The following MTUS1 variants were observed in gnomAD, a reference collection of about 807,000 sequenced individuals.
MTUS1 encodes the protein microtubule associated scaffold protein 1.
In MTUS1, 109 loss-of-function variants were observed where a neutral mutation model predicts 120.8. The ratio of observed to expected loss-of-function variants is 0.90; its 90% CI spans 0.77 to 1.06. MTUS1 has a LOEUF of 1.06. Among genes scored for constraint, MTUS1 ranks in the 50% least tolerant of loss-of-function variants. The probability of loss-of-function intolerance (pLI) is 0.00; values close to 1 mark genes in which losing one functional copy is unlikely to be tolerated. For synonymous variants in MTUS1, 737 were observed against 550.5 expected, an observed-to-expected ratio of 1.34 and a Z score of -4.74; for missense variants, 2,210 against 1,486.3, an observed-to-expected ratio of 1.49 and a Z score of -8.01.
At chr8:17,791,421 A>G (rs1247969707) in intron 1 of MTUS1, among the ~76,000 whole-genome samples, 1 of 152,258 alleles carries the variant, frequency 6.6e-6, no homozygotes, top group Non-Finnish European at 1.5e-5. Flanking sequence ...GGACTATGTT[A>G]CAGGTGAAAA....
chr8:17,645,874 T>C lies in MTUS1; in HGVS notation c.*52A>G, dbSNP rs192222492. The stretch of plus-strand genomic sequence containing the variant: ...CCACGTTCCTCCTTGGGGTCAGTCC[T>C]GCAGACCTGCATCAAAATGCTTTCA... On this transcript the variant is annotated 3_prime_UTR_variant, in exon 15 of 15. Transcript: ENST00000693296. 37 of 1,570,222 alleles carry C rather than the reference T, an allele frequency of 2.4e-5. No homozygotes were observed. In the African/African-American group the frequency reaches 4.0e-4, roughly 17 times the overall value.
chr8:17,652,285 T>C (rs991568952), intron 12 of MTUS1, among the ~76,000 whole-genome samples: 2 of 152,204 alleles, frequency 1.3e-5, no homozygotes, highest in Non-Finnish European at 2.9e-5. Context: ...CATTTATCCA[T>C]ACGGCGAAAT....
intron 7 of MTUS1, among the ~76,000 whole-genome samples, chr8:17,683,845 CCA>C (rs1274811826): frequency 6.6e-6 from 1 of 152,160 alleles, no homozygotes; most frequent in East Asian, 1.9e-4. Flanking sequence ...TTTTGTTGCA[CCA>C]CAGAGATTGT....
intron 1 of MTUS1, among the ~76,000 whole-genome samples, chr8:17,777,966 T>A (rs418124): frequency 0.15 from 22,877 of 152,188 alleles, 2,443 homozygotes; most frequent in East Asian, 0.46. Flanking sequence ...TGTTTTATGA[T>A]TCCTGCTATG....
chr8:17,776,891 C>CT lies in MTUS1; in HGVS notation c.-154-20931dup, dbSNP rs1339936008. 4.6e-5 allele frequency among the ~76,000 whole-genome samples: 7 copies of CT among 152,128 alleles called. No homozygotes were observed. The South Asian group carries it at 1.2e-3, about 27-fold the overall frequency. On this transcript the variant is annotated intron_variant, in intron 1 of 14. Coordinates refer to ENST00000693296, the MANE Select transcript of MTUS1 (RefSeq NM_001363059.2). ...TGCGTAATACTCCCTGGGCTCTCTCCTCTTTTAAGACCTAATTGTAATTGC... is the reference window on the plus strand; with the variant it reads ...TGCGTAATACTCCCTGGGCTCTCTCCTTCTTTTAAGACCTAATTGTAATTGC...
chr8:17,738,562 G>A (rs528908637), intron 3 of MTUS1, among the ~76,000 whole-genome samples: 23 of 152,232 alleles, frequency 1.5e-4, no homozygotes, highest in African/African-American at 5.3e-4. Flanking sequence ...TATTATTACT[G>A]TATTTTTTAT....
intron 3 of MTUS1, among the ~76,000 whole-genome samples, chr8:17,724,756 A>G (rs540436134): frequency 2.0e-5 from 3 of 151,982 alleles, no homozygotes; most frequent in South Asian, 4.2e-4. Flanking sequence ...TGGAGAGTCT[A>G]TTTTCTCTAC....
intron 2 of MTUS1, among the ~76,000 whole-genome samples, chr8:17,753,040 C>A (rs1255688888): frequency 6.6e-6 from 1 of 152,190 alleles, no homozygotes; most frequent in East Asian, 1.9e-4. Context: ...ATATTTTAGA[C>A]AGGCGCTATG....
chr8:17,664,338 A>T (rs1810421929), intron 8 of MTUS1, among the ~76,000 whole-genome samples: 1 of 152,212 alleles, frequency 6.6e-6, no homozygotes, highest in Admixed American at 6.5e-5. Flanking sequence ...GCCACATAAG[A>T]GAATACCATA....
At chr8:17,689,806 T>C (rs1160889207) in intron 6 of MTUS1, among the ~76,000 whole-genome samples, 1 of 151,972 alleles carries the variant, frequency 6.6e-6, no homozygotes, top group African/African-American at 2.4e-5. Flanking sequence ...CCCTATTCAA[T>C]AAATGGTGCT....
At chr8:17,711,343 T>G (rs1213747705) in intron 6 of MTUS1, among the ~76,000 whole-genome samples, 1 of 152,226 alleles carries the variant, frequency 6.6e-6, no homozygotes, top group Non-Finnish European at 1.5e-5. Flanking sequence ...AGCTAGATCT[T>G]CTGGATGACT....
chr8:17,661,492 G>A (rs368076606), intron 8 of MTUS1, among the ~76,000 whole-genome samples: 3 of 152,188 alleles, frequency 2.0e-5, no homozygotes, highest in Non-Finnish European at 4.4e-5. Context: ...GTTAATAGCA[G>A]ACTACCCTGG....
At chr8:17,729,647 T>C (rs1024927656) in intron 3 of MTUS1, among the ~76,000 whole-genome samples, 4 of 152,186 alleles carry the variant, frequency 2.6e-5, no homozygotes, top group Admixed American at 6.5e-5. Flanking sequence ...CTTCCATGAA[T>C]TGATATCTTA....
intron 2 of MTUS1, among the ~76,000 whole-genome samples, chr8:17,745,281 T>G (rs1244414862): frequency 6.6e-6 from 1 of 152,184 alleles, no homozygotes; most frequent in African/African-American, 2.4e-5. Context: ...CACTCAAATC[T>G]CTTATATGAA....
chr8:17,788,569 A>G (rs2051503885), intron 1 of MTUS1, among the ~76,000 whole-genome samples: 1 of 152,138 alleles, frequency 6.6e-6, no homozygotes, highest in African/African-American at 2.4e-5. Flanking sequence ...AGACTAAACC[A>G]CCACCTTGAA....
At position 17,655,975 on chromosome 8, in the gene MTUS1, T is replaced by C. The variant is rs61733708; in HGVS notation, c.2996A>G (p.Glu999Gly). The C allele has an allele frequency of 8.1e-3, 13,017 of 1,614,248 alleles. 84 individuals carry two copies. Among genetic ancestry groups the C allele is most frequent in the Non-Finnish European group, 9.1e-3 (10,713 of 1,180,034 alleles). Residue 999 changes from glutamate to glycine, a missense_variant, in exon 9 of 15, where the codon GAA (glutamate) becomes GGA (glycine). Physicochemically the swap from Glu to Gly is moderately conservative, Grantham distance 98 (BLOSUM62 -2). Coordinates refer to ENST00000693296, the MANE Select transcript of MTUS1 (RefSeq NM_001363059.2). ...YEAFVQQHQA[E>G]KTERENRLKE... is the part of the protein sequence containing the mutation. ...AAGCCGATTCTCTCGTTCTGTTTTTTCAGCCTGGTGCTGCTGGACGAATGC... is the reference window on the plus strand; with the variant it reads ...AAGCCGATTCTCTCGTTCTGTTTTTCCAGCCTGGTGCTGCTGGACGAATGC...
At chr8:17,662,082 G>A (rs1204781713) in intron 8 of MTUS1, among the ~76,000 whole-genome samples, 1 of 152,042 alleles carries the variant, frequency 6.6e-6, no homozygotes, top group African/African-American at 2.4e-5. Context: ...GCATAACCCC[G>A]ATTTTAGGCC....
At chr8:17,688,813 T>C (rs996932380) in intron 6 of MTUS1, among the ~76,000 whole-genome samples, 4 of 152,228 alleles carry the variant, frequency 2.6e-5, no homozygotes, top group Non-Finnish European at 4.4e-5. Context: ...GAGACATATA[T>C]TTTTCTATTT....
intron 3 of MTUS1, among the ~76,000 whole-genome samples, chr8:17,737,251 T>C (rs1165046946): frequency 6.6e-6 from 1 of 152,168 alleles, no homozygotes; most frequent in Non-Finnish European, 1.5e-5. Flanking sequence ...TTTCAGACCC[T>C]CAAATTCCTC....
Sources: allele counts gnomAD v4.1 joint callset (sites outside exome capture counted in the v4.1 genomes callset), GRCh38; gene constraint gnomAD v4.1.1; transcripts MANE v1.5; gene names NCBI Gene and HGNC (gene_info 2026-07-23, HGNC 2026-07-21).